The following PHACTR1 variants were observed in gnomAD, a reference collection of about 807,000 sequenced individuals.
The protein encoded by PHACTR1 is phosphatase and actin regulator 1.
A neutral mutation model predicts 69.2 loss-of-function variants in PHACTR1; 16 were observed. That is an observed-to-expected ratio of 0.23 (90% CI 0.16 to 0.35). The LOEUF is 0.35. Among genes scored for constraint, PHACTR1 ranks in the 10% least tolerant of loss-of-function variants. The pLI, the probability that PHACTR1 is intolerant of heterozygous loss-of-function variation, is 1.00. For missense variants in PHACTR1, 510 were observed against 734.7 expected (o/e 0.69, Z 3.54); for synonymous variants, 312 against 284.5 (o/e 1.10, Z -0.97).
At chr6:12,824,908 G>A (rs1319319301) in intron 4 of PHACTR1, among the ~76,000 whole-genome samples, 1 of 152,190 alleles carries the variant, frequency 6.6e-6, no homozygotes, top group East Asian at 1.9e-4. Flanking sequence ...CCTTGGGCAG[G>A]TGACTTGTGC....
At chr6:12,990,528 C>A (rs139319192) in intron 4 of PHACTR1, among the ~76,000 whole-genome samples, 34 of 152,360 alleles carry the variant, frequency 2.2e-4, no homozygotes, top group African/African-American at 7.5e-4. Context: ...CCGGGCCAAG[C>A]GCTTTTGGGC....
chr6:13,193,989 C>T (rs1347756255), intron 7 of PHACTR1, among the ~76,000 whole-genome samples: 4 of 152,182 alleles, frequency 2.6e-5, no homozygotes, highest in Non-Finnish European at 4.4e-5. Context: ...TGGCTGCAGA[C>T]ATAAACAATA....
intron 8 of PHACTR1, among the ~76,000 whole-genome samples, chr6:13,206,848 AC>A (rs566687891): frequency 8.3e-4 from 126 of 152,308 alleles, no homozygotes; most frequent in African/African-American, 2.8e-3. Context: ...GTGAGAGGAA[AC>A]CTGAGTACAC....
At chr6:13,040,349 A>G (rs1803952868) in intron 4 of PHACTR1, among the ~76,000 whole-genome samples, 1 of 152,114 alleles carries the variant, frequency 6.6e-6, no homozygotes, top group African/African-American at 2.4e-5. Flanking sequence ...TAAATTTTGG[A>G]AAGGGAAAAA....
chr6:13,047,161 T>C (rs1351661399), intron 4 of PHACTR1, among the ~76,000 whole-genome samples: 1 of 151,978 alleles, frequency 6.6e-6, no homozygotes, highest in Non-Finnish European at 1.5e-5. Context: ...GCGGATCACA[T>C]GAGGCCAGGA....
chr6:13,104,380 G>T (rs922876690), intron 5 of PHACTR1, among the ~76,000 whole-genome samples: 3 of 152,146 alleles, frequency 2.0e-5, no homozygotes, highest in African/African-American at 7.2e-5. Flanking sequence ...GTGTTGAGGG[G>T]TACACATGGT....
At chr6:13,271,538 T>A (rs1478131811) in intron 10 of PHACTR1, among the ~76,000 whole-genome samples, 7 of 152,200 alleles carry the variant, frequency 4.6e-5, no homozygotes, top group African/African-American at 1.7e-4. Flanking sequence ...CTCCCTTGGA[T>A]ACCAAAATCC....
At chr6:13,263,853 G>A (rs371480086) in intron 10 of PHACTR1, among the ~76,000 whole-genome samples, 14 of 152,298 alleles carry the variant, frequency 9.2e-5, no homozygotes, top group African/African-American at 2.6e-4. Context: ...AGGTGACCAC[G>A]TCGTCGTGCT....
At chr6:13,253,792 T>G (rs1050848968) in intron 10 of PHACTR1, among the ~76,000 whole-genome samples, 2 of 152,226 alleles carry the variant, frequency 1.3e-5, no homozygotes, top group African/African-American at 4.8e-5. Flanking sequence ...TGCATGGACG[T>G]GGACATCTGT....
At chr6:12,722,777 C>T (rs771344160) in intron 3 of PHACTR1, among the ~76,000 whole-genome samples, 1 of 152,172 alleles carries the variant, frequency 6.6e-6, no homozygotes, top group African/African-American at 2.4e-5. Flanking sequence ...AGAAAATGTA[C>T]AGGGTCCTCC....
intron 4 of PHACTR1, among the ~76,000 whole-genome samples, chr6:12,908,804 C>G (rs1169252271): frequency 6.6e-6 from 1 of 152,138 alleles, no homozygotes; most frequent in Non-Finnish European, 1.5e-5. Context: ...AGGAGATGAC[C>G]CATGGCAGGC....
intron 4 of PHACTR1, among the ~76,000 whole-genome samples, chr6:12,843,421 G>A (rs1025552414): frequency 4.6e-5 from 7 of 152,122 alleles, no homozygotes; most frequent in Admixed American, 2.0e-4. Context: ...GTGGCAGGTC[G>A]GGAGAGCAGA....
At chr6:13,020,591 G>C (rs1285313091) in intron 4 of PHACTR1, among the ~76,000 whole-genome samples, 1 of 152,166 alleles carries the variant, frequency 6.6e-6, no homozygotes, top group Non-Finnish European at 1.5e-5. Context: ...TGGGCTGGCA[G>C]ATACCTGAAG....
intron 4 of PHACTR1, among the ~76,000 whole-genome samples, chr6:13,016,107 G>T (rs1800136886): frequency 6.6e-6 from 1 of 152,204 alleles, no homozygotes; most frequent in Non-Finnish European, 1.5e-5. Flanking sequence ...TCCCATGATA[G>T]TCTGTAGGGA....
intron 4 of PHACTR1, among the ~76,000 whole-genome samples, chr6:13,045,604 ATG>A (rs1804896331): frequency 6.6e-6 from 1 of 152,156 alleles, no homozygotes; most frequent in Non-Finnish European, 1.5e-5. Flanking sequence ...GGATTTATGG[ATG>A]TTCTTGTATT....
intron 5 of PHACTR1, among the ~76,000 whole-genome samples, chr6:13,074,151 G>C (rs1022809918): frequency 6.6e-6 from 1 of 152,154 alleles, no homozygotes; most frequent in Admixed American, 6.5e-5. Flanking sequence ...GATTACAGGC[G>C]TGAGCCACTG....
intron 7 of PHACTR1, among the ~76,000 whole-genome samples, chr6:13,205,077 G>T (rs1765710023): frequency 6.6e-6 from 1 of 152,242 alleles, no homozygotes; most frequent in African/African-American, 2.4e-5. Context: ...CAGTTCTGCA[G>T]ACTGGGAAGT....
chr6:12,718,945 T>A, intron 3 of PHACTR1, 98 bp downstream of exon 3: 2 of 596,028 alleles, frequency 3.4e-6, no homozygotes, highest in Non-Finnish European at 5.5e-6. Flanking sequence ...TCTGAAAGTT[T>A]AATAACCGGT....
intron 6 of PHACTR1, among the ~76,000 whole-genome samples, chr6:13,165,944 C>T (rs911072396): frequency 2.0e-5 from 3 of 152,238 alleles, no homozygotes; most frequent in African/African-American, 7.2e-5. Context: ...AGTGGCTCCA[C>T]ATTTCACTCA....
Sources: gnomAD v4.1 joint callset for allele counts (sites outside exome capture counted in the v4.1 genomes callset) on GRCh38, gnomAD v4.1.1 for gene constraint, MANE v1.5 for transcripts, NCBI Gene and HGNC (gene_info 2026-07-23, HGNC 2026-07-21) for gene names.